ATP2A1: variants seen among roughly 807,000 people sequenced by gnomAD.
The protein encoded by ATP2A1 is ATPase sarcoplasmic/endoplasmic reticulum Ca2+ transporting 1, also known as sarcoplasmic/endoplasmic reticulum calcium ATPase 1.
Under a neutral mutation model 109.5 loss-of-function variants are expected in ATP2A1, and 83 were observed. The ratio of observed to expected loss-of-function variants is 0.76; its 90% CI spans 0.63 to 0.91. ATP2A1 has a LOEUF of 0.91. ATP2A1 is among the 40% of genes least tolerant of loss of function. The pLI, the probability that ATP2A1 is intolerant of heterozygous loss-of-function variation, is 0.00. For synonymous variants in ATP2A1, 505 were observed against 537.6 expected (o/e 0.94, Z 0.84); for missense variants, 1,101 against 1,341.0 (o/e 0.82, Z 2.80).
intron 4 of ATP2A1, chr16:28,881,662 G>A (rs903599692): frequency 6.3e-6 from 1 of 159,170 alleles, no homozygotes; most frequent in Non-Finnish European, 1.4e-5. Context: ...AATTAGCTGG[G>A]CATGGTGGCA....
chr16:28,888,953 G>C lies in ATP2A1; in HGVS notation c.1095G>C (p.Lys365Asn), dbSNP rs767153685. 11 of 1,614,124 alleles carry C rather than the reference G, an allele frequency of 6.8e-6. No individual in the cohort carries two copies. Among genetic ancestry groups the C allele is most frequent in the Non-Finnish European group, 9.3e-6 (11 of 1,180,026 alleles). The change falls in exon 9 of 23, where the codon AAG becomes AAC. Residue 365 changes from lysine (K) to asparagine (N), a missense_variant and splice_region_variant. Physicochemically the swap from Lys to Asn is moderately conservative, Grantham distance 94. Transcript: ENST00000395503. Reference protein sequence around the residue: ...TLTTNQMSVCKMFIIDKVDGD... With the variant: ...TLTTNQMSVCNMFIIDKVDGD... ...CCACCAACCAGATGTCTGTCTGCAA[G>C]GTCAGGAGCAGTGTGGGCAGCGCGC...
intron 12 of ATP2A1, 139 bp from the exon 13 acceptor site, chr16:28,897,861 G>A: frequency 3.4e-6 from 4 of 1,159,428 alleles, no homozygotes; most frequent in Non-Finnish European, 5.1e-6. Flanking sequence ...GGCAACACTA[G>A]CCTTGGGATT....
At chr16:28,896,406 T>G (rs1963917934) in intron 12 of ATP2A1, among the ~76,000 whole-genome samples, 1 of 151,828 alleles carries the variant, frequency 6.6e-6, no homozygotes, top group Admixed American at 6.6e-5. Context: ...TTCTGTATTT[T>G]TAGTAGAGAC....
In ATP2A1 at chr16:28,887,197, G is replaced by C. The variant is rs776334546; in HGVS notation, c.553G>C (p.Val185Leu). 7 of 1,613,886 alleles carry C rather than the reference G, an allele frequency of 4.3e-6. No homozygotes were observed. The highest frequency in any genetic ancestry group is 5.9e-6 in the Non-Finnish European group (7 of 1,179,986). The change falls in exon 7 of 23, where the codon GTA (valine) becomes CTA (leucine). Residue 185 changes from valine (V) to leucine (L), a missense_variant. Transcript: ENST00000395503. ...TGGCCCCTTCTCCACAGGCGAGTCT[G>C]TATCTGTCATCAAACACACGGAGCC... ...VDQSILTGESVSVIKHTEPVP... is the reference protein window; with the variant it reads ...VDQSILTGESLSVIKHTEPVP...
At chr16:28,892,437 A>G in intron 9 of ATP2A1, 1 of 274,284 alleles carries the variant, frequency 3.6e-6, no homozygotes, top group Non-Finnish European at 7.6e-6. Flanking sequence ...TCAGGGTGAG[A>G]AAGGCTGTAA....
In ATP2A1 at chr16:28,904,270, G is replaced by C; in HGVS notation, c.*128G>C. The C allele has an allele frequency of 6.8e-6, 11 of 1,613,204 alleles. No homozygotes were observed. The highest frequency in any genetic ancestry group is 8.5e-6 in the Non-Finnish European group (10 of 1,179,708). On this transcript the variant is annotated 3_prime_UTR_variant, in exon 23 of 23. Coordinates refer to ENST00000395503, the MANE Select transcript of ATP2A1 (RefSeq NM_004320.6). ...CATCTTCAGGCAGAGCTGTGGCACA[G>C]ACCCCCGTCCTGTCCCCCACACCCG...
Position 28,904,304 on chromosome 16 carries a change from G to C in ATP2A1, c.*162G>C. The C allele has an allele frequency of 6.2e-7, 1 of 1,607,730 alleles. No homozygotes were observed. On this transcript the variant is annotated 3_prime_UTR_variant, in exon 23 of 23. Coordinates refer to ENST00000395503, the MANE Select transcript of ATP2A1 (RefSeq NM_004320.6). ...CCTGTCCCCCACACCCGTGTCATGTGTCTGTTTATAAACATGTCCCCTTCC... is the reference window on the plus strand; with the variant it reads ...CCTGTCCCCCACACCCGTGTCATGTCTCTGTTTATAAACATGTCCCCTTCC...
intron 9 of ATP2A1, among the ~76,000 whole-genome samples, chr16:28,891,889 T>A (rs1298027645): frequency 6.7e-6 from 1 of 149,194 alleles, no homozygotes; most frequent in Non-Finnish European, 1.5e-5. Context: ...ATAATAATAA[T>A]AAAATAAAAC....
At position 28,903,895 on chromosome 16, in the gene ATP2A1, C is replaced by T. The variant is rs901665855; in HGVS notation, c.*37+154C>T. 11 of 848,030 alleles carry T rather than the reference C, an allele frequency of 1.3e-5. No individual in the cohort carries two copies. Among genetic ancestry groups the T allele is most frequent in the Non-Finnish European group, 2.2e-5 (11 of 509,618 alleles). 52.5% of individuals were successfully genotyped at this position (848,030 alleles called of 1,614,324 possible). A position where few individuals can be genotyped will look rare whatever the true frequency, so the allele number is the denominator to read the frequency against. ...TGCTGCGCTTCCAGTCAGGGTGGGC[C>T]GCTGGCCTCCCACTGGGCGTCAGTT... is the stretch of plus-strand genomic sequence containing the variant. On this transcript the variant is annotated intron_variant, in intron 22 of 22. Transcript: ENST00000395503. This position sits in a 1 kb window ranked among gnomAD's most constrained non-coding sequence, Gnocchi z 5.6.
chr16:28,893,851 T>A (rs901805441), intron 9 of ATP2A1, among the ~76,000 whole-genome samples: 1 of 152,012 alleles, frequency 6.6e-6, no homozygotes, highest in African/African-American at 2.4e-5. Flanking sequence ...TTTCATCATG[T>A]TGGCCAGGAT....
At chr16:28,894,685 G>A in intron 11 of ATP2A1, 78 bp downstream of exon 11, 2 of 1,597,490 alleles carry the variant, frequency 1.3e-6, no homozygotes, top group Non-Finnish European at 1.7e-6. Context: ...TTGGAGGAAG[G>A]GGACCCAGTA....
rs1751778663 is a variant in ATP2A1, at chr16:28,880,587, G to A, written c.220-328G>A. Among the ~76,000 whole-genome samples the A allele has an allele frequency of 6.6e-6, 1 of 152,258 alleles. No individual in the cohort carries two copies. Among genetic ancestry groups the A allele is most frequent in the Non-Finnish European group, 1.5e-5 (1 of 68,046 alleles). On this transcript the variant is annotated intron_variant, in intron 3 of 22. Transcript: ENST00000395503. The surrounding 1 kb of genome is among the most constrained non-coding windows in gnomAD (Gnocchi z 4.2). Reference sequence around the variant, plus strand: ...TTTCCTCTCGGGTTTTGGCTCCCGTGGGATGGATGTGGCTGTGCGGGGGGT... The same window carrying A: ...TTTCCTCTCGGGTTTTGGCTCCCGTAGGATGGATGTGGCTGTGCGGGGGGT...
chr16:28,901,010 G>A (rs1385923156), intron 15 of ATP2A1, 94 bp downstream of exon 15: 2 of 1,502,070 alleles, frequency 1.3e-6, no homozygotes, highest in Non-Finnish European at 9.2e-7. Flanking sequence ...GAGGGCCCTG[G>A]TAAGATGCAA....
chr16:28,881,885 G>C (rs1963496749), intron 4 of ATP2A1, among the ~76,000 whole-genome samples: 1 of 151,382 alleles, frequency 6.6e-6, no homozygotes, highest in Admixed American at 6.6e-5. Context: ...CTGTGGTGCT[G>C]ACAGGTCCAG....
Position 28,903,412 on chromosome 16 carries a change from C to G in ATP2A1, c.2952C>G (p.Leu984=), listed in dbSNP as rs1188053857. 1 of 1,613,968 alleles carries G rather than the reference C, an allele frequency of 6.2e-7. No homozygotes were observed. Among genetic ancestry groups the G allele is most frequent in the Admixed American group, 1.7e-5 (1 of 60,012 alleles). ...CAGTCATTGGGCTCGACGAAATCCT[C>G]AAGTTCGTTGCTCGGAACTACCTAG... ...SLPVIGLDEI[L]KFVARNYLEG Residue 984 remains leucine (L), a synonymous_variant, in exon 21 of 23, where the codon CTC becomes CTG. Coordinates refer to ENST00000395503, the MANE Select transcript of ATP2A1 (RefSeq NM_004320.6). This position sits in a 1 kb window ranked among gnomAD's most constrained non-coding sequence, Gnocchi z 5.6.
rs765591986 is a variant in ATP2A1, at chr16:28,902,033, G to A, written c.2271G>A (p.Met757Ile). The A allele has an allele frequency of 6.2e-7, 1 of 1,614,228 alleles. No homozygotes were observed. Among genetic ancestry groups the A allele is most frequent in the Non-Finnish European group, 8.5e-7 (1 of 1,180,042 alleles). Reference sequence around the variant, plus strand: ...AGGGCCGCGCCATCTACAACAACATGAAGCAGTTCATCCGCTACCTCATTT... The same window carrying A: ...AGGGCCGCGCCATCTACAACAACATAAAGCAGTTCATCCGCTACCTCATTT... ...VEEGRAIYNN[M>I]KQFIRYLISS... Residue 757 changes from methionine to isoleucine, a missense_variant, in exon 16 of 23, where the codon ATG (methionine) becomes ATA (isoleucine). Met to Ile is a conservative substitution (Grantham distance 10, BLOSUM62 1). Coordinates refer to ENST00000395503, the MANE Select transcript of ATP2A1 (RefSeq NM_004320.6). This position sits in a 1 kb window ranked among gnomAD's most constrained non-coding sequence, Gnocchi z 4.8.
At chr16:28,895,418 A>G (rs1963891803) in intron 12 of ATP2A1, among the ~76,000 whole-genome samples, 1 of 152,180 alleles carries the variant, frequency 6.6e-6, no homozygotes, top group Non-Finnish European at 1.5e-5. Flanking sequence ...TGCTATTGAT[A>G]CTTGCTGAAC....
intron 5 of ATP2A1, 124 bp downstream of exon 5, chr16:28,882,713 G>C: frequency 6.9e-7 from 1 of 1,449,264 alleles, no homozygotes; most frequent in South Asian, 1.3e-5. Flanking sequence ...TTCTCTTTCC[G>C]ACTCCTCAGA....
At position 28,904,297 on chromosome 16, in the gene ATP2A1, G is replaced by C; in HGVS notation, c.*155G>C. The C allele has an allele frequency of 6.2e-7, 1 of 1,610,146 alleles. No homozygotes were observed. Among genetic ancestry groups the C allele is most frequent in the Non-Finnish European group, 8.5e-7 (1 of 1,179,004 alleles). On this transcript the variant is annotated 3_prime_UTR_variant, in exon 23 of 23. Coordinates refer to ENST00000395503, the MANE Select transcript of ATP2A1 (RefSeq NM_004320.6). ...CCCCCGTCCTGTCCCCCACACCCGT[G>C]TCATGTGTCTGTTTATAAACATGTC...
Sources: allele counts gnomAD v4.1 joint callset (sites outside exome capture counted in the v4.1 genomes callset), GRCh38; gene constraint gnomAD v4.1.1; non-coding constraint Gnocchi (gnomAD v3.1); transcripts MANE v1.5; gene names NCBI Gene and HGNC (gene_info 2026-07-23, HGNC 2026-07-21).